The following TJP1 variants were observed in gnomAD, a reference collection of about 807,000 sequenced individuals.
TJP1 encodes the protein tight junction protein ZO-1.
Under a neutral mutation model 194.2 loss-of-function variants are expected in TJP1, and 43 were observed. The observed-to-expected ratio is 0.22, with a 90% CI of 0.17 to 0.29. The LOEUF (loss-of-function observed/expected upper bound fraction) is 0.29, where lower values mean the gene tolerates loss of function less well. TJP1 is among the 10% of genes least tolerant of loss of function. TJP1 has a pLI of 1.00. For synonymous variants in TJP1, 801 were observed against 779.0 expected (o/e 1.03, Z -0.47); for missense variants, 1,971 against 2,185.7 (o/e 0.90, Z 1.96).
At chr15:29,771,075 T>C (rs1248947349) in intron 4 of TJP1, among the ~76,000 whole-genome samples, 1 of 152,218 alleles carries the variant, frequency 6.6e-6, no homozygotes, top group Non-Finnish European at 1.5e-5. Flanking sequence ...TTATCCACTA[T>C]ATATTTTTAC....
chr15:29,921,847 C>CTTT (rs202166290), intron 2 of TJP1, among the ~76,000 whole-genome samples: 20,618 of 147,050 alleles, frequency 0.14, 1,713 homozygotes, highest in East Asian at 0.33. Context: ...TTCTTTCTTT[C>CTTT]TTTTTTTTTT....
At chr15:29,847,900 A>G (rs574486641) in intron 2 of TJP1, among the ~76,000 whole-genome samples, 1 of 152,248 alleles carries the variant, frequency 6.6e-6, no homozygotes, top group Non-Finnish European at 1.5e-5. Flanking sequence ...TATGTTTTCA[A>G]CATATGTTTT....
At chr15:29,944,005 G>T (rs1383677575) in intron 2 of TJP1, among the ~76,000 whole-genome samples, 2 of 151,828 alleles carry the variant, frequency 1.3e-5, no homozygotes, top group African/African-American at 4.8e-5. Context: ...TACCTGTTAA[G>T]GTACTTAAAG....
intron 2 of TJP1, among the ~76,000 whole-genome samples, chr15:29,864,813 C>T (rs1257985226): frequency 2.0e-5 from 3 of 152,124 alleles, no homozygotes; most frequent in East Asian, 3.9e-4. Context: ...ATACTTGGCA[C>T]GCTTTTTTCT....
At position 29,716,681 on chromosome 15, in the gene TJP1, T is replaced by C. The variant is rs2042583555; in HGVS notation, c.4132A>G (p.Ser1378Gly). Residue 1378 changes from serine to glycine, a missense_variant, in exon 23 of 28, where the codon AGC (serine) becomes GGC (glycine). By Grantham distance (56) the Ser-to-Gly change is moderately conservative. Coordinates refer to ENST00000614355, the MANE Select transcript of TJP1 (RefSeq NM_001330239.4). ...ENKPPAHIAASHLSEPAKPAH... is the reference protein window; with the variant it reads ...ENKPPAHIAAGHLSEPAKPAH... ...GGCTTTGCAGGCTCGGAGAGATGGC[T>C]GGCGGCAATGTGTGCAGGAGGCTTA... The C allele has an allele frequency of 6.2e-7, 1 of 1,614,062 alleles. No individual in the cohort carries two copies. The highest frequency in any genetic ancestry group is 8.5e-7 in the Non-Finnish European group (1 of 1,180,016).
intron 23 of TJP1, 26 bp from the exon 24 acceptor site, chr15:29,711,026 A>G: frequency 1.3e-6 from 2 of 1,550,514 alleles, no homozygotes; most frequent in Non-Finnish European, 1.7e-6. Flanking sequence ...GAAAATGCCA[A>G]CACCTGAAAA....
chr15:29,781,475 A>C (rs1595874861), intron 2 of TJP1, among the ~76,000 whole-genome samples: 1 of 152,342 alleles, frequency 6.6e-6, no homozygotes, highest in South Asian at 2.1e-4. Context: ...CTATGAGGTC[A>C]GCATCATCCT....
At chr15:29,914,183 A>G (rs1200508254) in intron 2 of TJP1, among the ~76,000 whole-genome samples, 1 of 152,210 alleles carries the variant, frequency 6.6e-6, no homozygotes, top group East Asian at 1.9e-4. Context: ...TAAGTTAGAA[A>G]TTCGACTCAC....
intron 2 of TJP1, among the ~76,000 whole-genome samples, chr15:29,947,844 G>C (rs749905067): frequency 6.6e-6 from 1 of 152,200 alleles, no homozygotes; most frequent in Non-Finnish European, 1.5e-5. Flanking sequence ...CCTATAAAAC[G>C]AGGGCAGCCT....
chr15:29,757,432 TAAAA>T (rs577380695), intron 8 of TJP1, among the ~76,000 whole-genome samples: 4 of 151,752 alleles, frequency 2.6e-5, no homozygotes, highest in Non-Finnish European at 4.4e-5. Flanking sequence ...CAAAATTAAA[TAAAA>T]AAAACAAAAG....
At chr15:29,954,528 C>T (rs1454993423) in intron 2 of TJP1, among the ~76,000 whole-genome samples, 1 of 152,124 alleles carries the variant, frequency 6.6e-6, no homozygotes, top group Non-Finnish European at 1.5e-5. Context: ...AAAAGCAATT[C>T]ACTTCATTTT....
At chr15:29,951,317 G>A (rs192961182) in intron 2 of TJP1, among the ~76,000 whole-genome samples, 4 of 151,782 alleles carry the variant, frequency 2.6e-5, no homozygotes, top group South Asian at 4.2e-4. Flanking sequence ...ATAGGTGCCC[G>A]CTACCATGCC....
At chr15:29,734,232 A>C (rs1369218844) in intron 12 of TJP1, 42 bp downstream of exon 12, 14 of 1,365,012 alleles carry the variant, frequency 1.0e-5, no homozygotes, top group Non-Finnish European at 1.4e-5. Context: ...AAGTCCTCAA[A>C]CTCTACAGGT....
Position 29,700,245 on chromosome 15 carries a change from G to C in TJP1, c.*1350C>G, listed in dbSNP as rs1269692447. The C allele has an allele frequency of 2.5e-5, 10 of 398,826 alleles. No individual in the cohort carries two copies. The South Asian group carries it at 1.3e-3, about 51-fold the overall frequency. 24.7% of individuals were successfully genotyped at this position (398,826 alleles called of 1,614,324 possible). On this transcript the variant is annotated 3_prime_UTR_variant, in exon 28 of 28. Transcript: ENST00000614355. ...AGTCACACCTAATGATTAACAGAAT[G>C]TAGTGGTGTATTATCTAAACAGAAA...
intron 2 of TJP1, among the ~76,000 whole-genome samples, chr15:29,942,192 G>C (rs1596297701): frequency 6.6e-6 from 1 of 152,186 alleles, no homozygotes; most frequent in East Asian, 1.9e-4. Context: ...CAGTTCTGAT[G>C]AATAAAATTC....
intron 2 of TJP1, among the ~76,000 whole-genome samples, chr15:29,795,818 T>A (rs1733813685): frequency 6.6e-6 from 1 of 152,048 alleles, no homozygotes; most frequent in South Asian, 2.1e-4. Flanking sequence ...AACAATCAAG[T>A]AGAATTTATC....
intron 1 of TJP1, among the ~76,000 whole-genome samples, chr15:29,957,580 T>C (rs1322891444): frequency 1.3e-5 from 2 of 152,214 alleles, no homozygotes; most frequent in African/African-American, 4.8e-5. Context: ...TAATAATCCA[T>C]ACAGAACTAT....
intron 1 of TJP1, among the ~76,000 whole-genome samples, chr15:29,808,560 A>C (rs1374371376): frequency 1.3e-5 from 2 of 152,210 alleles, no homozygotes; most frequent in Non-Finnish European, 2.9e-5. Flanking sequence ...AAAATAAATC[A>C]AATATGCTTC....
chr15:29,835,517 A>C (rs979600064), intron 2 of TJP1, among the ~76,000 whole-genome samples: 2 of 152,138 alleles, frequency 1.3e-5, no homozygotes, highest in African/African-American at 4.8e-5. Context: ...AAAATAGCAC[A>C]AAATTGCCTG....
Sources: gnomAD v4.1 joint callset for allele counts (sites outside exome capture counted in the v4.1 genomes callset) on GRCh38, gnomAD v4.1.1 for gene constraint, MANE v1.5 for transcripts, NCBI Gene and HGNC (gene_info 2026-07-23, HGNC 2026-07-21) for gene names.